Variants in RPA3 observed in about 807,000 individuals in gnomAD.
The protein encoded by RPA3 is replication protein A 14 kDa subunit.
In RPA3, 24 loss-of-function variants were observed where a neutral mutation model predicts 13.7. The ratio of observed to expected loss-of-function variants is 1.75; its 90% CI spans 1.27 to 2.46. The LOEUF (loss-of-function observed/expected upper bound fraction) is 2.46. Among genes scored for constraint, RPA3 ranks in the 30% most tolerant of loss-of-function variants. The pLI, the probability that RPA3 is intolerant of heterozygous loss-of-function variation, is 0.00. For missense variants in RPA3, 183 were observed against 151.0 expected (o/e 1.21, Z -1.11); for synonymous variants, 59 against 51.2 (o/e 1.15, Z -0.65).
chr7:7,673,895 T>C (rs1047037315), intron 4 of RPA3, among the ~76,000 whole-genome samples: 4 of 152,222 alleles, frequency 2.6e-5, no homozygotes, highest in Admixed American at 1.3e-4. Context: ...GTGTTTCCTG[T>C]TTAAGACTAT....
intron 4 of RPA3, among the ~76,000 whole-genome samples, chr7:7,676,979 CAG>C (rs1779757579): frequency 6.6e-6 from 1 of 152,118 alleles, no homozygotes; most frequent in African/African-American, 2.4e-5. Context: ...ACTTTAGTCT[CAG>C]AGCATACTGT....
At chr7:7,647,120 A>G (rs1009751119) in intron 4 of RPA3, among the ~76,000 whole-genome samples, 1 of 152,194 alleles carries the variant, frequency 6.6e-6, no homozygotes, top group African/African-American at 2.4e-5. Context: ...GTTCACCTAT[A>G]AAACCTTTTA....
At chr7:7,652,406 C>G (rs189026577) in intron 4 of RPA3, among the ~76,000 whole-genome samples, 1 of 152,260 alleles carries the variant, frequency 6.6e-6, no homozygotes, top group Admixed American at 6.5e-5. Context: ...TCTTTACATA[C>G]ATTTTGTTGT....
intron 4 of RPA3, among the ~76,000 whole-genome samples, chr7:7,660,688 T>C (rs954898089): frequency 1.3e-5 from 2 of 152,236 alleles, no homozygotes; most frequent in African/African-American, 2.4e-5. Context: ...TCTGATGGAC[T>C]TCCCTTTGTG....
chr7:7,696,592 A>G (rs746295518), intron 2 of RPA3, among the ~76,000 whole-genome samples: 12 of 152,136 alleles, frequency 7.9e-5, no homozygotes, highest in Non-Finnish European at 1.6e-4. Context: ...CAACTGTCTG[A>G]AATTTATTGA....
intron 2 of RPA3, among the ~76,000 whole-genome samples, chr7:7,687,653 A>C (rs150805963): frequency 6.6e-6 from 1 of 152,206 alleles, no homozygotes; most frequent in Non-Finnish European, 1.5e-5. Context: ...ATTGCTGCCA[A>C]ACTCTGGTTG....
chr7:7,711,948 C>T lies in RPA3; in HGVS notation c.-1028+3227G>A, dbSNP rs938112737. On this transcript the variant is annotated intron_variant, in intron 2 of 7. Transcript: ENST00000223129. ...TTGGTTATAGTGTGGTATAGCGATC[C>T]GATTTTAATTTTTTTTTGTAGGGAT... 1.1e-4 allele frequency among the ~76,000 whole-genome samples: 17 copies of T among 151,884 alleles called. 1 individual carries two copies. The highest frequency in any genetic ancestry group is 8.5e-4 in the Admixed American group (13 of 15,240).
rs1183564406 is a variant in RPA3, at chr7:7,708,606, T to TG, written c.-1028+6568_-1028+6569insC. On this transcript the variant is annotated intron_variant, in intron 2 of 7. Coordinates refer to ENST00000223129, the MANE Select transcript of RPA3 (RefSeq NM_002947.5). ...AAAATAAGTCAACATATTTGTCCTT[T>TG]TGGGACAGACCTCAAAAATAGAAGC... 6.6e-5 allele frequency among the ~76,000 whole-genome samples: 10 copies of TG among 152,290 alleles called. 1 individual carries two copies. Among genetic ancestry groups the TG allele is most frequent in the African/African-American group, 2.4e-4 (10 of 41,582 alleles).
intron 5 of RPA3, chr7:7,639,768 C>A (rs1182815911): frequency 6.4e-6 from 1 of 157,274 alleles, no homozygotes; most frequent in Non-Finnish European, 1.4e-5. Flanking sequence ...GTTTTCTTTT[C>A]CTCAGCTTTT....
chr7:7,688,615 A>G (rs2115133552), intron 2 of RPA3, among the ~76,000 whole-genome samples: 1 of 152,216 alleles, frequency 6.6e-6, no homozygotes, highest in East Asian at 1.9e-4. Context: ...TTTTGATCTC[A>G]TGTTGTAAAT....
rs779628115 is a variant in RPA3 at position 7,640,329 on chromosome 7, C to G, written c.90G>C (p.Arg30Ser). 27 of 1,613,926 alleles carry G rather than the reference C, an allele frequency of 1.7e-5. No homozygotes were observed. The highest frequency in any genetic ancestry group is 4.0e-5 in the African/African-American group (3 of 74,924). Reference protein sequence around the residue: ...FIDKPVCFVGRLEKIHPTGKM... With the variant: ...FIDKPVCFVGSLEKIHPTGKM... ...TTGCGAACCCGCACACCTTTTCCAG[C>G]CTCCCTACGAAGCAGACAGGCTTGT... The change falls in exon 5 of 8, where the codon AGG (arginine) becomes AGC (serine). Residue 30 changes from arginine to serine, a missense_variant. Physicochemically the swap from Arg to Ser is moderately radical, Grantham distance 110. Transcript: ENST00000223129.
At chr7:7,646,205 C>T (rs1045560344) in intron 4 of RPA3, among the ~76,000 whole-genome samples, 2 of 152,088 alleles carry the variant, frequency 1.3e-5, no homozygotes, top group African/African-American at 4.8e-5. Flanking sequence ...TGTCTAGCAT[C>T]GAGGAGGAAT....
At position 7,639,255 on chromosome 7, in the gene RPA3, TATTC is replaced by T. The variant is rs1374325837; in HGVS notation, c.100-115_100-112del. ...CAAATCAACTGTTTCTTGAACAGTT[TATTC>T]ATTCAGTTTATTCAACTTATTGGAT... On this transcript the variant is annotated intron_variant, in intron 5 of 7. Transcript: ENST00000223129. The T allele has an allele frequency of 5.8e-6, 4 of 691,426 alleles. No individual in the cohort carries two copies. The African/African-American group carries it at 7.3e-5, about 13-fold the overall frequency. 42.8% of individuals were successfully genotyped at this position (691,426 alleles called of 1,614,324 possible). A position where few individuals can be genotyped will look rare whatever the true frequency, so the allele number is the denominator to read the frequency against.
chr7:7,667,680 A>C lies in RPA3; in HGVS notation c.-758+18150T>G, dbSNP rs28434664. Among the ~76,000 whole-genome samples, 785 of 152,334 alleles carry C rather than the reference A, an allele frequency of 5.2e-3. 6 individuals carry two copies. Among genetic ancestry groups the C allele is most frequent in the African/African-American group, 0.018 (752 of 41,566 alleles). On this transcript the variant is annotated intron_variant, in intron 4 of 7. Coordinates refer to ENST00000223129, the MANE Select transcript of RPA3 (RefSeq NM_002947.5). ...TGTCTTCACAGCATAGAGCTGAGCA[A>C]GGCTTGGGAAAGTAGGGACTGACAA...
At chr7:7,675,913 G>GCCTCATTTCCC (rs1467563880) in intron 4 of RPA3, among the ~76,000 whole-genome samples, 1 of 152,152 alleles carries the variant, frequency 6.6e-6, no homozygotes. Context: ...TCTCTGTTTA[G>GCCTCATTTCCC]CCTCATTTCC....
At chr7:7,680,464 A>T (rs916810341) in intron 4 of RPA3, among the ~76,000 whole-genome samples, 14 of 152,080 alleles carry the variant, frequency 9.2e-5, no homozygotes, top group Admixed American at 7.2e-4. Context: ...ATTTGAAGTC[A>T]GGTAGTGTGA....
intron 4 of RPA3, among the ~76,000 whole-genome samples, chr7:7,663,531 A>T (rs1785529689): frequency 6.6e-6 from 1 of 152,192 alleles, no homozygotes; most frequent in Non-Finnish European, 1.5e-5. Flanking sequence ...GAGAGTCTTT[A>T]TGTAATACTA....
intron 2 of RPA3, among the ~76,000 whole-genome samples, chr7:7,698,349 G>A (rs1008319969): frequency 2.6e-5 from 4 of 152,166 alleles, no homozygotes; most frequent in African/African-American, 9.7e-5. Context: ...ATATAATGGT[G>A]CGTTTCCTGC....
At chr7:7,667,521 T>G (rs944092678) in intron 4 of RPA3, among the ~76,000 whole-genome samples, 3 of 152,182 alleles carry the variant, frequency 2.0e-5, no homozygotes, top group Non-Finnish European at 4.4e-5. Flanking sequence ...GTTGCAGTTT[T>G]TTTTCCCTAA....
Sources: gnomAD v4.1 joint callset for allele counts (sites outside exome capture counted in the v4.1 genomes callset) on GRCh38, gnomAD v4.1.1 for gene constraint, MANE v1.5 for transcripts, NCBI Gene and HGNC (gene_info 2026-07-23, HGNC 2026-07-21) for gene names.